The following RPS6KC1 variants were observed in gnomAD, a reference collection of about 807,000 sequenced individuals.
The protein encoded by RPS6KC1 is inactive ribosomal protein S6 kinase delta-1.
A neutral mutation model predicts 103.8 loss-of-function variants in RPS6KC1; 54 were observed. The observed-to-expected ratio is 0.52, with a 90% CI of 0.42 to 0.65. RPS6KC1 has a LOEUF of 0.65. RPS6KC1 is among the 30% of genes least tolerant of loss of function. The probability of loss-of-function intolerance (pLI) is 0.00; values close to 1 mark genes in which losing one functional copy is unlikely to be tolerated. For synonymous variants in RPS6KC1, 439 were observed against 438.7 expected (o/e 1.00, Z -0.01); for missense variants, 1,151 against 1,253.8 (o/e 0.92, Z 1.24).
chr1:213,267,904 G>GA (rs1573727608), intron 14 of RPS6KC1, among the ~76,000 whole-genome samples: 1 of 151,032 alleles, frequency 6.6e-6, no homozygotes, highest in East Asian at 1.9e-4. Flanking sequence ...CACAAAAATT[G>GA]AAAAAAATGA....
the RPS6KC1 span, among the ~76,000 whole-genome samples, chr1:213,381,202 T>A: frequency 6.6e-6 from 1 of 152,104 alleles, no homozygotes; most frequent in Non-Finnish European, 1.5e-5. Context: ...ATAGTGGGAT[T>A]CTGATTTATT....
chr1:213,348,901 A>G, the RPS6KC1 span, among the ~76,000 whole-genome samples: 1 of 152,238 alleles, frequency 6.6e-6, no homozygotes, highest in East Asian at 1.9e-4. Context: ...GAAGTGTTTA[A>G]TAAGTGCTCC....
At chr1:213,126,542 C>T (rs564251692) in intron 5 of RPS6KC1, among the ~76,000 whole-genome samples, 4 of 152,106 alleles carry the variant, frequency 2.6e-5, no homozygotes, top group Non-Finnish European at 5.9e-5. Context: ...CCCTAACTTA[C>T]TTTATTTGAT....
chr1:213,554,664 C>T, the RPS6KC1 span, among the ~76,000 whole-genome samples: 1 of 152,126 alleles, frequency 6.6e-6, no homozygotes, highest in Non-Finnish European at 1.5e-5. Flanking sequence ...TACCTACTTC[C>T]TCTCTCCTTT....
chr1:213,267,700 C>A (rs1354299602), intron 14 of RPS6KC1, among the ~76,000 whole-genome samples: 1 of 151,720 alleles, frequency 6.6e-6, no homozygotes, highest in East Asian at 1.9e-4. Flanking sequence ...CAAAGAGATT[C>A]TGTAATAAGG....
chr1:213,651,089 A>T, the RPS6KC1 span, among the ~76,000 whole-genome samples: 2 of 150,892 alleles, frequency 1.3e-5, no homozygotes, highest in African/African-American at 4.9e-5. Flanking sequence ...TGTAGGGAGA[A>T]AAGTGGGATG....
rs530656107 is a variant in RPS6KC1, at chr1:213,124,456, C to T, written c.473-5071C>T. ...CTTGCTTGTTGCTCCCTATATCTTT[C>T]TTGTTAACTTTCTTTCTGGGCTTCA... is the stretch of plus-strand genomic sequence containing the variant. On this transcript the variant is annotated intron_variant, in intron 5 of 14. Transcript: ENST00000366960. 2.0e-3 allele frequency among the ~76,000 whole-genome samples: 298 copies of T among 152,228 alleles called. 1 individual carries two copies. Among genetic ancestry groups the T allele is most frequent in the African/African-American group, 6.9e-3 (286 of 41,550 alleles).
chr1:213,600,005 A>G, the RPS6KC1 span, among the ~76,000 whole-genome samples: 1 of 141,004 alleles, frequency 7.1e-6, no homozygotes, highest in African/African-American at 2.6e-5. Context: ...TGACTGGATC[A>G]TGGGGTTGGT....
At chr1:213,616,423 T>C in the RPS6KC1 span, among the ~76,000 whole-genome samples, 2 of 152,104 alleles carry the variant, frequency 1.3e-5, no homozygotes, top group East Asian at 3.9e-4. Context: ...GCACCGCTGA[T>C]GCATGGCAGG....
the RPS6KC1 span, among the ~76,000 whole-genome samples, chr1:213,610,978 T>G: frequency 5.0e-4 from 76 of 152,298 alleles, no homozygotes; most frequent in East Asian, 1.4e-3. Context: ...ATAATTTTTT[T>G]GGGGGGTTGC....
chr1:213,129,939 G>A, intron 6 of RPS6KC1, 50 bp downstream of exon 6: 2 of 1,510,560 alleles, frequency 1.3e-6, no homozygotes, highest in African/African-American at 1.4e-5. Flanking sequence ...GTTGGTATGT[G>A]GGAAAAAAAA....
the RPS6KC1 span, among the ~76,000 whole-genome samples, chr1:213,591,334 C>T: frequency 6.6e-6 from 1 of 152,172 alleles, no homozygotes; most frequent in Non-Finnish European, 1.5e-5. Flanking sequence ...ACACAAAACC[C>T]CCGAAGTTTA....
chr1:213,425,156 C>A, the RPS6KC1 span, among the ~76,000 whole-genome samples: 1 of 152,124 alleles, frequency 6.6e-6, no homozygotes, highest in Non-Finnish European at 1.5e-5. Context: ...AAAATCTTTC[C>A]CCCCCTTAAC....
At chr1:213,114,433 T>C (rs1197332851) in intron 4 of RPS6KC1, among the ~76,000 whole-genome samples, 2 of 146,068 alleles carry the variant, frequency 1.4e-5, no homozygotes, top group African/African-American at 2.6e-5. Flanking sequence ...CTGAAGTTGC[T>C]TATCAGCTTA....
At chr1:213,551,451 A>G in the RPS6KC1 span, among the ~76,000 whole-genome samples, 1 of 151,834 alleles carries the variant, frequency 6.6e-6, no homozygotes, top group East Asian at 1.9e-4. Context: ...GTTTCTCCCT[A>G]CTCTCCATGA....
At chr1:213,605,794 G>A in the RPS6KC1 span, among the ~76,000 whole-genome samples, 2 of 152,206 alleles carry the variant, frequency 1.3e-5, no homozygotes, top group Admixed American at 6.5e-5. Flanking sequence ...TGAGAGCAAG[G>A]ACGACACTCC....
At chr1:213,057,723 A>G (rs2077449404) in intron 1 of RPS6KC1, among the ~76,000 whole-genome samples, 1 of 139,402 alleles carries the variant, frequency 7.2e-6, no homozygotes, top group African/African-American at 2.6e-5. Context: ...CTCCTGATCT[A>G]GAGCATATCT....
chr1:213,513,747 T>C, the RPS6KC1 span, among the ~76,000 whole-genome samples: 2 of 152,160 alleles, frequency 1.3e-5, no homozygotes, highest in African/African-American at 2.4e-5. Context: ...AACACAAAGA[T>C]ATATGATCAA....
the RPS6KC1 span, among the ~76,000 whole-genome samples, chr1:213,680,294 C>G: frequency 6.6e-6 from 1 of 152,088 alleles, no homozygotes; most frequent in African/African-American, 2.4e-5. Context: ...GTGCCTGTTA[C>G]GTGAAAAACA....
Sources: gnomAD v4.1 joint callset for allele counts (sites outside exome capture counted in the v4.1 genomes callset) on GRCh38, gnomAD v4.1.1 for gene constraint, MANE v1.5 for transcripts, NCBI Gene and HGNC (gene_info 2026-07-23, HGNC 2026-07-21) for gene names.